Variants in RAD9B observed in about 807,000 individuals in gnomAD.
RAD9B encodes the protein cell cycle checkpoint control protein RAD9B.
In RAD9B, 41 loss-of-function variants were observed where a neutral mutation model predicts 48.3. That is an observed-to-expected ratio of 0.85 (90% CI 0.66 to 1.10). The LOEUF is 1.10. Among genes scored for constraint, RAD9B ranks in the 50% least tolerant of loss-of-function variants. RAD9B has a pLI of 0.00. For missense variants in RAD9B, 444 were observed against 485.1 expected, an observed-to-expected ratio of 0.92 and a Z score of 0.80; for synonymous variants, 160 against 157.9, an observed-to-expected ratio of 1.01 and a Z score of -0.10.
At chr12:110,530,053 TAA>T in intron 10 of RAD9B, among the ~76,000 whole-genome samples, 1 of 152,278 alleles carries the variant, frequency 6.6e-6, no homozygotes, top group African/African-American at 2.4e-5. Flanking sequence ...TTTTTTTGTT[TAA>T]TTTTTTGAGA....
At chr12:110,503,273 T>C (rs900281015) in intron 1 of RAD9B, 2 of 153,132 alleles carry the variant, frequency 1.3e-5, no homozygotes, top group Non-Finnish European at 2.9e-5. Flanking sequence ...AAAAGAACAT[T>C]AACAATGTCG....
Position 110,531,503 on chromosome 12 carries a change from T to C in RAD9B, c.*850T>C. 1.8e-6 allele frequency: 2 copies of C among 1,141,144 alleles called. No homozygotes were observed. The highest frequency in any genetic ancestry group is 2.6e-6 in the Non-Finnish European group (2 of 772,140). The allele number at this position is 1,141,144 out of a possible 1,614,324, so 70.7% of individuals were successfully genotyped here. ...CACTGCGCCCAACCTGGAGTGTTTT[T>C]ACATATTGTAAAATTTTATTTCCTA... On this transcript the variant is annotated 3_prime_UTR_variant, in exon 11 of 11. Transcript: ENST00000409300.
intron 5 of RAD9B, among the ~76,000 whole-genome samples, chr12:110,514,273 G>A (rs1159018418): frequency 6.8e-6 from 1 of 147,118 alleles, no homozygotes; most frequent in Admixed American, 6.7e-5. Context: ...TAAATTCTAA[G>A]AATTTTATTT....
chr12:110,502,395 T>A lies in RAD9B; in HGVS notation c.46+12T>A, dbSNP rs954360282. ...CAGTCAGGTGAAAGGTGGAGCGGCC[T>A]TTGTTGTCTTCCCATTTAGCAGAGA... On this transcript the variant is annotated intron_variant, in intron 1 of 10. Coordinates refer to ENST00000409300, the MANE Select transcript of RAD9B (RefSeq NM_001286535.2). 6.2e-7 allele frequency: 1 copy of A among 1,613,348 alleles called. No homozygotes were observed. The highest frequency in any genetic ancestry group is 1.7e-5 in the Admixed American group (1 of 59,896).
At chr12:110,520,533 T>C (rs1028369126) in intron 9 of RAD9B, among the ~76,000 whole-genome samples, 2 of 151,312 alleles carry the variant, frequency 1.3e-5, no homozygotes, top group Non-Finnish European at 2.9e-5. Flanking sequence ...TTTTTGTTTT[T>C]TTTTAGGGGT....
Position 110,522,296 on chromosome 12 carries a change from C to T in RAD9B, c.1010C>T (p.Ala337Val). ...AAGGAGACTCTCACAAACATATCTG[C>T]ATTGGAAAACTGTGGCAGCCCTGCA... Reference protein sequence around the residue: ...YPKETLTNISALENCGSPAMK... With the variant: ...YPKETLTNISVLENCGSPAMK... Residue 337 changes from alanine (A) to valine (V), a missense_variant, in exon 10 of 11, where the codon GCA becomes GTA. Physicochemically the swap from Ala to Val is moderately conservative, Grantham distance 64 (BLOSUM62 0). Transcript: ENST00000409300. 3 of 1,613,566 alleles carry T rather than the reference C, an allele frequency of 1.9e-6. No homozygotes were observed. The highest frequency in any genetic ancestry group is 2.5e-6 in the Non-Finnish European group (3 of 1,179,774).
rs1030460900 is a variant in RAD9B, at chr12:110,532,821, G to A, written c.*2168G>A. 1.2e-4 allele frequency among the ~76,000 whole-genome samples: 19 copies of A among 152,106 alleles called. No individual in the cohort carries two copies. Among genetic ancestry groups the A allele is most frequent in the Admixed American group, 7.9e-4 (12 of 15,266 alleles). ...CAGTAACATGTTATACAGGTTTGTC[G>A]CCTAGGAGCAACAGGCTATTCATAT... On this transcript the variant is annotated 3_prime_UTR_variant, in exon 11 of 11. Coordinates refer to ENST00000409300, the MANE Select transcript of RAD9B (RefSeq NM_001286535.2).
In RAD9B at chr12:110,532,938, TAAAC is replaced by T. The variant is rs1165870085; in HGVS notation, c.*2288_*2291del. Among the ~76,000 whole-genome samples the T allele has an allele frequency of 6.6e-6, 1 of 152,220 alleles. No individual in the cohort carries two copies. The highest frequency in any genetic ancestry group is 1.5e-5 in the Non-Finnish European group (1 of 68,040). ...GATGCATCTGTCAGAACATCTCTGT[TAAAC>T]AACACGACTGACTGTACAGCAGATT... is the stretch of plus-strand genomic sequence containing the variant. On this transcript the variant is annotated 3_prime_UTR_variant, in exon 11 of 11. Transcript: ENST00000409300.
chr12:110,505,132 CCT>C (rs1320682274), intron 2 of RAD9B, among the ~76,000 whole-genome samples: 1 of 151,958 alleles, frequency 6.6e-6, no homozygotes, highest in Non-Finnish European at 1.5e-5. Context: ...TATGTATACA[CCT>C]ATATATACGT....
chr12:110,514,429 A>G (rs1284798528), intron 5 of RAD9B, among the ~76,000 whole-genome samples: 1 of 152,226 alleles, frequency 6.6e-6, no homozygotes, highest in African/African-American at 2.4e-5. Context: ...AAGATGCCCA[A>G]CATCATTAGT....
intron 4 of RAD9B, among the ~76,000 whole-genome samples, chr12:110,509,642 A>T (rs761563679): frequency 1.3e-5 from 2 of 152,186 alleles, no homozygotes; most frequent in African/African-American, 2.4e-5. Context: ...GTGTGTGCTT[A>T]TAAGAAAAAA....
rs1365780799 is a variant in RAD9B at position 110,502,332 on chromosome 12, G to C, written c.-6G>C. 6.2e-7 allele frequency: 1 copy of C among 1,613,162 alleles called. No individual in the cohort carries two copies. The highest frequency in any genetic ancestry group is 1.7e-5 in the Admixed American group (1 of 59,894). ...GCGCGCCTTCCGAGCCTGCTTTTTA[G>C]GGCGGATGGCAGCCATGCTGAAGTG... On this transcript the variant is annotated 5_prime_UTR_variant, in exon 1 of 11. Transcript: ENST00000409300.
rs2064136236 is a variant in RAD9B at position 110,531,497 on chromosome 12, T to G, written c.*844T>G. On this transcript the variant is annotated 3_prime_UTR_variant, in exon 11 of 11. Coordinates refer to ENST00000409300, the MANE Select transcript of RAD9B (RefSeq NM_001286535.2). ...TTGAGCCACTGCGCCCAACCTGGAGTGTTTTTACATATTGTAAAATTTTAT... is the reference window on the plus strand; with the variant it reads ...TTGAGCCACTGCGCCCAACCTGGAGGGTTTTTACATATTGTAAAATTTTAT... The G allele has an allele frequency of 9.7e-7, 1 of 1,026,516 alleles. No homozygotes were observed. The highest frequency in any genetic ancestry group is 1.4e-5 in the South Asian group (1 of 73,252). 63.6% of individuals were successfully genotyped at this position (1,026,516 alleles called of 1,614,324 possible). A position where few individuals can be genotyped will look rare whatever the true frequency, so the allele number is the denominator to read the frequency against.
chr12:110,504,816 G>A (rs1204956502), intron 2 of RAD9B, among the ~76,000 whole-genome samples: 1 of 152,070 alleles, frequency 6.6e-6, no homozygotes, highest in Non-Finnish European at 1.5e-5. Context: ...GAGCAACAAA[G>A]CAAGACACTA....
In RAD9B at chr12:110,515,130, T is replaced by C; in HGVS notation, c.569T>C (p.Leu190Pro). ...TLAVTPLNFC[L>P]KSSNEESMDL... The stretch of plus-strand genomic sequence containing the variant: ...GCTGTTACTCCACTGAATTTTTGCC[T>C]CAAGAGTTCTAATGAGGAATCAATG... The change falls in exon 6 of 11, where the codon CTC (leucine) becomes CCC (proline). Residue 190 changes from leucine to proline, a missense_variant. Physicochemically the swap from Leu to Pro is moderately conservative, Grantham distance 98. Transcript: ENST00000409300. 1 of 1,550,602 alleles carries C rather than the reference T, an allele frequency of 6.4e-7. No homozygotes were observed. The highest frequency in any genetic ancestry group is 2.4e-5 in the East Asian group (1 of 41,572).
chr12:110,502,611 A>G lies in RAD9B; in HGVS notation c.46+228A>G, dbSNP rs1308096780. 7.1e-6 allele frequency: 4 copies of G among 565,406 alleles called. No individual in the cohort carries two copies. In the Admixed American group the frequency reaches 9.4e-5, roughly 13 times the overall value. 35.0% of individuals were successfully genotyped at this position (565,406 alleles called of 1,614,324 possible). ...ATGTAATATGGGTGGTATCCGGGAA[A>G]TAGAGTTGTACCATCGGGCCACAAA... On this transcript the variant is annotated intron_variant, in intron 1 of 10. Coordinates refer to ENST00000409300, the MANE Select transcript of RAD9B (RefSeq NM_001286535.2).
At chr12:110,515,210 G>C in intron 6 of RAD9B, 54 bp downstream of exon 6, 1 of 877,948 alleles carries the variant, frequency 1.1e-6, no homozygotes, top group Non-Finnish European at 1.8e-6. Flanking sequence ...CCTGTCTCTC[G>C]ATTACTAACC....
chr12:110,517,215 A>G (rs1440366628), intron 6 of RAD9B, among the ~76,000 whole-genome samples: 1 of 151,936 alleles, frequency 6.6e-6, no homozygotes, highest in Non-Finnish European at 1.5e-5. Flanking sequence ...CCTGTAGTCT[A>G]TGCTGCAGCA....
chr12:110,513,692 ATATTATTATTATTATTATTAT>A (rs147828355), intron 5 of RAD9B, among the ~76,000 whole-genome samples: 293 of 140,588 alleles, frequency 2.1e-3, no homozygotes, highest in Non-Finnish European at 3.5e-3. Flanking sequence ...TATTGTTTTT[ATATTATTATTATTATTATTAT>A]TATTATTATT....
Sources: gnomAD v4.1 joint callset for allele counts (sites outside exome capture counted in the v4.1 genomes callset) on GRCh38, gnomAD v4.1.1 for gene constraint, MANE v1.5 for transcripts, NCBI Gene and HGNC (gene_info 2026-07-23, HGNC 2026-07-21) for gene names.